Variants in ERBB4 observed in about 807,000 individuals in gnomAD.
The protein encoded by ERBB4 is receptor tyrosine-protein kinase erbB-4.
A neutral mutation model predicts 158.0 loss-of-function variants in ERBB4; 42 were observed. That is an observed-to-expected ratio of 0.27 (90% CI 0.21 to 0.34). The LOEUF (loss-of-function observed/expected upper bound fraction) is 0.34, where lower values mean the gene tolerates loss of function less well. ERBB4 is among the 10% of genes least tolerant of loss of function. The pLI, the probability that ERBB4 is intolerant of heterozygous loss-of-function variation, is 1.00. For missense variants in ERBB4, 1,333 were observed against 1,624.1 expected, an observed-to-expected ratio of 0.82 and a Z score of 3.08; for synonymous variants, 583 against 558.7, an observed-to-expected ratio of 1.04 and a Z score of -0.61.
At chr2:212,513,807 G>C (rs1252953312) in intron 1 of ERBB4, among the ~76,000 whole-genome samples, 1 of 147,406 alleles carries the variant, frequency 6.8e-6, no homozygotes, top group African/African-American at 2.7e-5. Flanking sequence ...GCGAGACTCC[G>C]TCTCAAAAAA....
intron 3 of ERBB4, among the ~76,000 whole-genome samples, chr2:211,884,818 A>G (rs2078753186): frequency 6.6e-6 from 1 of 152,202 alleles, no homozygotes; most frequent in African/African-American, 2.4e-5. Context: ...GAAAAAATTA[A>G]CCATAACATT....
chr2:212,424,691 T>C (rs1190869963), intron 1 of ERBB4, among the ~76,000 whole-genome samples: 1 of 152,038 alleles, frequency 6.6e-6, no homozygotes, highest in African/African-American at 2.4e-5. Flanking sequence ...TAGATTACCC[T>C]GGATTAACAA....
chr2:212,452,009 G>GT (rs755896726), intron 1 of ERBB4, among the ~76,000 whole-genome samples: 1,840 of 138,960 alleles, frequency 0.013, 20 homozygotes, highest in African/African-American at 0.033. Flanking sequence ...GAGTGTGCAG[G>GT]TTTTTTTTTT....
At chr2:211,413,175 C>CA (rs2063301358) in intron 25 of ERBB4, among the ~76,000 whole-genome samples, 1 of 150,976 alleles carries the variant, frequency 6.6e-6, no homozygotes, top group Non-Finnish European at 1.5e-5. Flanking sequence ...TGGCAGTACA[C>CA]AACTATAGTC....
chr2:211,927,890 A>G (rs190058739), intron 3 of ERBB4, among the ~76,000 whole-genome samples: 91 of 152,144 alleles, frequency 6.0e-4, no homozygotes, highest in African/African-American at 2.1e-3. Flanking sequence ...CAGTAAATAA[A>G]GTATACTTTT....
At chr2:212,308,104 G>T (rs547822433) in intron 1 of ERBB4, among the ~76,000 whole-genome samples, 1 of 151,182 alleles carries the variant, frequency 6.6e-6, no homozygotes, top group East Asian at 2.0e-4. Flanking sequence ...AATGAGCTCA[G>T]ATGAGAGTTG....
chr2:211,838,116 G>C (rs2077381881), intron 3 of ERBB4, among the ~76,000 whole-genome samples: 1 of 152,062 alleles, frequency 6.6e-6, no homozygotes, highest in Non-Finnish European at 1.5e-5. Flanking sequence ...AGAATCAACA[G>C]CAGAGCTGGT....
chr2:212,072,643 C>G (rs2078157976), intron 2 of ERBB4, among the ~76,000 whole-genome samples: 1 of 151,994 alleles, frequency 6.6e-6, no homozygotes, highest in Non-Finnish European at 1.5e-5. Context: ...CTCGTCAAAT[C>G]TCATTACAAT....
chr2:211,709,378 C>T (rs2073603306), intron 9 of ERBB4, among the ~76,000 whole-genome samples: 1 of 149,648 alleles, frequency 6.7e-6, no homozygotes, highest in African/African-American at 2.5e-5. Context: ...CTATGATGAA[C>T]CAAGACTAAA....
chr2:211,581,306 T>C (rs1343678821), intron 19 of ERBB4, among the ~76,000 whole-genome samples: 1 of 151,130 alleles, frequency 6.6e-6, no homozygotes, highest in African/African-American at 2.4e-5. Flanking sequence ...AAGTAAAAAA[T>C]TTAAAAAAAG....
At chr2:212,207,269 G>C (rs1306798917) in intron 1 of ERBB4, among the ~76,000 whole-genome samples, 2 of 152,094 alleles carry the variant, frequency 1.3e-5, no homozygotes, top group Non-Finnish European at 2.9e-5. Context: ...AGCCAGTTCA[G>C]TCACATTAAA....
chr2:211,426,749 C>T (rs1007853471), intron 22 of ERBB4, among the ~76,000 whole-genome samples: 5 of 151,400 alleles, frequency 3.3e-5, no homozygotes, highest in African/African-American at 7.3e-5. Flanking sequence ...ATATTTGATT[C>T]AGGGAACTGT....
intron 3 of ERBB4, among the ~76,000 whole-genome samples, chr2:211,813,048 C>T (rs539758786): frequency 1.3e-5 from 2 of 152,180 alleles, no homozygotes; most frequent in Non-Finnish European, 2.9e-5. Context: ...CTGTGGGCTA[C>T]ATCTACTGTC....
At chr2:212,038,134 G>A (rs17415586) in intron 2 of ERBB4, among the ~76,000 whole-genome samples, 2,659 of 152,146 alleles carry the variant, frequency 0.017, 40 homozygotes, top group Admixed American at 0.035. Context: ...GAAAAATGTG[G>A]AGAAGCTACT....
At chr2:212,215,862 C>T (rs567723787) in intron 1 of ERBB4, among the ~76,000 whole-genome samples, 22 of 151,520 alleles carry the variant, frequency 1.5e-4, no homozygotes, top group African/African-American at 5.3e-4. Context: ...TCCAAGGTTG[C>T]TTTGCAGTTT....
intron 18 of ERBB4, among the ~76,000 whole-genome samples, chr2:211,621,330 A>C (rs2069594305): frequency 1.3e-5 from 2 of 152,084 alleles, no homozygotes. Context: ...GAATATTTCT[A>C]ATTAGGAGAA....
intron 19 of ERBB4, among the ~76,000 whole-genome samples, chr2:211,570,370 T>C (rs2067686620): frequency 6.7e-6 from 1 of 148,284 alleles, no homozygotes; most frequent in African/African-American, 2.5e-5. Flanking sequence ...TTTTACCATG[T>C]TGGCCAGGTG....
intron 20 of ERBB4, among the ~76,000 whole-genome samples, chr2:211,498,818 A>G (rs2065541714): frequency 6.6e-6 from 1 of 152,172 alleles, no homozygotes; most frequent in Non-Finnish European, 1.5e-5. Context: ...AAGCTGTGTA[A>G]TGTGAACTAA....
intron 1 of ERBB4, among the ~76,000 whole-genome samples, chr2:212,225,929 G>C (rs952283376): frequency 6.6e-6 from 1 of 152,082 alleles, no homozygotes; most frequent in Non-Finnish European, 1.5e-5. Context: ...ATTCCCAGAA[G>C]TATGTTATTT....
Sources: allele counts gnomAD v4.1 joint callset (sites outside exome capture counted in the v4.1 genomes callset), GRCh38; gene constraint gnomAD v4.1.1; transcripts MANE v1.5; gene names NCBI Gene and HGNC (gene_info 2026-07-23, HGNC 2026-07-21).